The following EHF variants were observed in gnomAD, a reference collection of about 807,000 sequenced individuals.
The protein encoded by EHF is ESE3 transcription factor.
A neutral mutation model predicts 45.1 loss-of-function variants in EHF; 14 were observed. That is an observed-to-expected ratio of 0.31 (90% CI 0.21 to 0.49). The LOEUF is 0.49. Ranked by LOEUF, EHF falls within the 20% of genes least tolerant of loss-of-function variation. The probability of loss-of-function intolerance (pLI) is 0.99; values close to 1 mark genes in which losing one functional copy is unlikely to be tolerated. For synonymous variants in EHF, 136 were observed against 131.8 expected (o/e 1.03, Z -0.22); for missense variants, 282 against 371.4 (o/e 0.76, Z 1.98).
chr11:34,631,602 A>G, intron 1 of EHF: 2 of 982,790 alleles, frequency 2.0e-6, no homozygotes, highest in Non-Finnish European at 2.4e-6. Context: ...GCAGGAGATG[A>G]GTGGGTCTAC....
intron 1 of EHF, among the ~76,000 whole-genome samples, chr11:34,626,530 A>G (rs916071551): frequency 6.6e-6 from 1 of 152,220 alleles, no homozygotes; most frequent in Non-Finnish European, 1.5e-5. Context: ...GCCTCATTTC[A>G]TCTAGTCATG....
At chr11:34,642,775 C>G in intron 2 of EHF, 48 bp downstream of exon 2, 1 of 1,371,722 alleles carries the variant, frequency 7.3e-7, no homozygotes, top group South Asian at 1.2e-5. Flanking sequence ...TGTGTGGGCT[C>G]TTTGCTTTAA....
At chr11:34,643,691 C>T (rs972209430) in intron 2 of EHF, among the ~76,000 whole-genome samples, 1 of 152,172 alleles carries the variant, frequency 6.6e-6, no homozygotes, top group Admixed American at 6.5e-5. Context: ...TTCCCTTACT[C>T]GGTCACCTGT....
intron 1 of EHF, among the ~76,000 whole-genome samples, chr11:34,635,701 CTT>C (rs11381442): frequency 4.8e-4 from 59 of 124,128 alleles, no homozygotes; most frequent in Admixed American, 6.7e-4. Context: ...TCTTCCTGGT[CTT>C]TTTTTTTTTT....
At position 34,662,457 on chromosome 11, in the gene EHF, C is replaced by A. The variant is rs1025634398; in HGVS notation, c.*3526C>A. Among the ~76,000 whole-genome samples the A allele has an allele frequency of 1.3e-5, 2 of 151,888 alleles. No homozygotes were observed. The highest frequency in any genetic ancestry group is 1.3e-4 in the Admixed American group (2 of 15,216). ...TGTGAGACTTATCTGGTATGAGAAGCCAGTAATAAACCTTTGACCTGTTTT... is the reference window on the plus strand; with the variant it reads ...TGTGAGACTTATCTGGTATGAGAAGACAGTAATAAACCTTTGACCTGTTTT... On this transcript the variant is annotated 3_prime_UTR_variant, in exon 9 of 9. Transcript: ENST00000257831.
At chr11:34,651,505 G>T (rs201173752) in intron 4 of EHF, 37 bp from the exon 5 acceptor site, 1 of 773,396 alleles carries the variant, frequency 1.3e-6, no homozygotes, top group Non-Finnish European at 1.7e-6. Flanking sequence ...CTGGGGAAAA[G>T]AGATCGCTGA....
At chr11:34,641,979 C>G (rs1854044151) in intron 1 of EHF, 1 of 152,056 alleles carries the variant, frequency 6.6e-6, no homozygotes, top group African/African-American at 2.4e-5. Context: ...TAATTGTTAC[C>G]AGAAAGGAAA....
chr11:34,638,220 T>C (rs536478646), intron 1 of EHF, among the ~76,000 whole-genome samples: 1 of 152,334 alleles, frequency 6.6e-6, no homozygotes, highest in South Asian at 2.1e-4. Context: ...CTCTTTGAGT[T>C]TGAAATAAGA....
chr11:34,625,048 T>TCAGCAGGATAAGCACG (rs1456856747), intron 1 of EHF, among the ~76,000 whole-genome samples: 5 of 151,692 alleles, frequency 3.3e-5, no homozygotes, highest in African/African-American at 1.2e-4. Flanking sequence ...TACCTGGGGG[T>TCAGCAGGATAAGCACG]CAGCAGGATA....
At position 34,661,949 on chromosome 11, in the gene EHF, T is replaced by A. The variant is rs1388520111; in HGVS notation, c.*3018T>A. Among the ~76,000 whole-genome samples the A allele has an allele frequency of 6.6e-6, 1 of 152,124 alleles. No homozygotes were observed. Among genetic ancestry groups the A allele is most frequent in the Non-Finnish European group, 1.5e-5 (1 of 68,008 alleles). ...TGAGGCTGATAGATATTTGACTTGG[T>A]AAGACTTAAGTAAGGCTCTGGCTCC... On this transcript the variant is annotated 3_prime_UTR_variant, in exon 9 of 9. Coordinates refer to ENST00000257831, the MANE Select transcript of EHF (RefSeq NM_012153.6).
At chr11:34,628,049 A>T (rs1167745022) in intron 1 of EHF, among the ~76,000 whole-genome samples, 1 of 152,192 alleles carries the variant, frequency 6.6e-6, no homozygotes, top group Non-Finnish European at 1.5e-5. Flanking sequence ...TTACAAAAAC[A>T]GCCAGTCTGG....
At chr11:34,640,483 T>C (rs1046088239) in intron 1 of EHF, among the ~76,000 whole-genome samples, 8 of 152,180 alleles carry the variant, frequency 5.3e-5, no homozygotes, top group African/African-American at 1.2e-4. Context: ...CTGCTTGTGG[T>C]TGAGCAAATG....
At chr11:34,642,766 G>A (rs754718823) in intron 2 of EHF, 39 bp downstream of exon 2, 3 of 1,443,858 alleles carry the variant, frequency 2.1e-6, no homozygotes, top group Non-Finnish European at 2.9e-6. Flanking sequence ...CTGCTGTGCT[G>A]TGTGGGCTCT....
In EHF at chr11:34,625,532, C is replaced by A. The variant is rs74854816; in HGVS notation, c.-4+4304C>A. On this transcript the variant is annotated intron_variant, in intron 1 of 8. Transcript: ENST00000257831. ...GGACTCACTTCTCCTAGAGGAAGAC[C>A]CTGTGGCTGCCCCAGCCACTGAGCA... 6.6e-3 allele frequency among the ~76,000 whole-genome samples: 1,006 copies of A among 152,260 alleles called. 8 individuals are homozygous for A. The highest frequency in any genetic ancestry group is 0.023 in the African/African-American group (973 of 41,552).
chr11:34,624,188 CA>C, intron 1 of EHF: 1 of 715,874 alleles, frequency 1.4e-6, no homozygotes, highest in East Asian at 1.3e-4. Context: ...ACGTGACACT[CA>C]TTTCTGTTGT....
At chr11:34,640,869 C>T (rs868185505) in intron 1 of EHF, among the ~76,000 whole-genome samples, 4 of 152,306 alleles carry the variant, frequency 2.6e-5, no homozygotes, top group Admixed American at 6.5e-5. Flanking sequence ...TAACACCTGA[C>T]GTGTATTCGT....
intron 6 of EHF, among the ~76,000 whole-genome samples, chr11:34,652,333 C>A (rs1034369416): frequency 6.6e-6 from 1 of 152,190 alleles, no homozygotes; most frequent in East Asian, 1.9e-4. Flanking sequence ...CTCATCAGTG[C>A]TCTCTAATCA....
chr11:34,661,279 C>T lies in EHF; in HGVS notation c.*2348C>T, dbSNP rs934166405. ...AGTTGTGTGATTTTATTAGGGGCAT[C>T]TGCCAATTCTCTCACTGTGGTTCCT... On this transcript the variant is annotated 3_prime_UTR_variant, in exon 9 of 9. Coordinates refer to ENST00000257831, the MANE Select transcript of EHF (RefSeq NM_012153.6). Among the ~76,000 whole-genome samples, 5 of 152,104 alleles carry T rather than the reference C, an allele frequency of 3.3e-5. No individual in the cohort carries two copies. The highest frequency in any genetic ancestry group is 7.4e-5 in the Non-Finnish European group (5 of 67,998).
intron 1 of EHF, among the ~76,000 whole-genome samples, chr11:34,631,278 C>T (rs779943800): frequency 1.6e-4 from 25 of 152,224 alleles, no homozygotes; most frequent in East Asian, 1.9e-4. Flanking sequence ...GTGATATGCC[C>T]GCCTCGGACT....
Sources: allele counts gnomAD v4.1 joint callset (sites outside exome capture counted in the v4.1 genomes callset), GRCh38; gene constraint gnomAD v4.1.1; transcripts MANE v1.5; gene names NCBI Gene and HGNC (gene_info 2026-07-23, HGNC 2026-07-21).